PTPRD: variants seen among roughly 807,000 people sequenced by gnomAD.
PTPRD encodes protein tyrosine phosphatase receptor type D, also known as receptor-type tyrosine-protein phosphatase delta.
In PTPRD, 34 loss-of-function variants were observed where a neutral mutation model predicts 214.5. The ratio of observed to expected loss-of-function variants is 0.16; its 90% CI spans 0.12 to 0.21. The LOEUF is 0.21. Ranked by LOEUF, PTPRD falls within the 10% of genes least tolerant of loss-of-function variation. The probability of loss-of-function intolerance (pLI) is 1.00; values close to 1 mark genes in which losing one functional copy is unlikely to be tolerated. For missense variants in PTPRD, 2,545 were observed against 2,398.7 expected (o/e 1.06, Z -1.27); for synonymous variants, 1,128 against 845.7 (o/e 1.33, Z -5.79).
intron 14 of PTPRD, among the ~76,000 whole-genome samples, chr9:8,544,046 C>T (rs995960437): frequency 9.2e-5 from 14 of 151,800 alleles, no homozygotes; most frequent in African/African-American, 3.1e-4. Context: ...TCATGGATAT[C>T]ATAGCCCACC....
intron 8 of PTPRD, among the ~76,000 whole-genome samples, chr9:9,427,066 C>T (rs1257109602): frequency 1.3e-5 from 2 of 152,144 alleles, no homozygotes; most frequent in Non-Finnish European, 2.9e-5. Context: ...GAATGACTGA[C>T]AAGTTGAGAG....
intron 11 of PTPRD, among the ~76,000 whole-genome samples, chr9:8,857,352 G>T (rs1202001436): frequency 6.6e-6 from 1 of 152,128 alleles, no homozygotes. Context: ...AGAGAGCGGG[G>T]GTCGCACAAA....
intron 2 of PTPRD, among the ~76,000 whole-genome samples, chr9:10,404,232 CA>C (rs2098324186): frequency 6.6e-6 from 1 of 151,546 alleles, no homozygotes; most frequent in Admixed American, 6.6e-5. Flanking sequence ...GATTCTCAAC[CA>C]GGGGTGGTGG....
intron 3 of PTPRD, among the ~76,000 whole-genome samples, chr9:10,083,786 C>A (rs1302105424): frequency 6.6e-6 from 1 of 151,882 alleles, no homozygotes; most frequent in Non-Finnish European, 1.5e-5. Flanking sequence ...GACCTAGATC[C>A]CTCACATGTG....
At chr9:8,598,690 C>T (rs1367720083) in intron 14 of PTPRD, among the ~76,000 whole-genome samples, 3 of 152,106 alleles carry the variant, frequency 2.0e-5, no homozygotes, top group Non-Finnish European at 4.4e-5. Context: ...CTTCATAGCA[C>T]TAAAAAGTAT....
intron 3 of PTPRD, among the ~76,000 whole-genome samples, chr9:10,122,294 C>G (rs1462836023): frequency 1.3e-5 from 2 of 151,930 alleles, no homozygotes; most frequent in Non-Finnish European, 2.9e-5. Context: ...GGCAATGGAG[C>G]AAAACTCCAT....
chr9:10,151,739 C>G (rs916253447), intron 3 of PTPRD, among the ~76,000 whole-genome samples: 4 of 152,124 alleles, frequency 2.6e-5, no homozygotes, highest in African/African-American at 9.7e-5. Flanking sequence ...GTCTCTGCAG[C>G]TATTTGTTGT....
intron 6 of PTPRD, among the ~76,000 whole-genome samples, chr9:9,749,798 T>C (rs1259770540): frequency 6.6e-6 from 1 of 152,146 alleles, no homozygotes; most frequent in Non-Finnish European, 1.5e-5. Flanking sequence ...AACTCTCAGG[T>C]TAGTCACGCT....
chr9:8,872,003 A>G (rs1247059957), intron 11 of PTPRD, among the ~76,000 whole-genome samples: 1 of 152,130 alleles, frequency 6.6e-6, no homozygotes, highest in Admixed American at 6.5e-5. Context: ...CCGCAATGCA[A>G]TCAATCAACA....
chr9:9,438,865 T>C (rs145977601), intron 8 of PTPRD, among the ~76,000 whole-genome samples: 1 of 152,158 alleles, frequency 6.6e-6, no homozygotes, highest in African/African-American at 2.4e-5. Context: ...TTTGTATAAA[T>C]GTAAGTTTAT....
At chr9:8,531,682 T>C (rs746039472) in intron 14 of PTPRD, among the ~76,000 whole-genome samples, 2 of 152,098 alleles carry the variant, frequency 1.3e-5, no homozygotes, top group East Asian at 1.9e-4. Flanking sequence ...TAAGTACTAG[T>C]TACATTTGCC....
intron 26 of PTPRD, among the ~76,000 whole-genome samples, chr9:8,494,350 T>C (rs1240993683): frequency 1.3e-5 from 2 of 152,174 alleles, no homozygotes; most frequent in Non-Finnish European, 2.9e-5. Flanking sequence ...TCACTGGAAA[T>C]TTTATTCTGC....
chr9:9,522,206 A>G (rs947819657), intron 8 of PTPRD, among the ~76,000 whole-genome samples: 3 of 150,636 alleles, frequency 2.0e-5, no homozygotes. Flanking sequence ...AATTTTGCAT[A>G]TTCAGAATAA....
At chr9:9,396,057 T>A (rs1290448869) in intron 9 of PTPRD, among the ~76,000 whole-genome samples, 1 of 152,050 alleles carries the variant, frequency 6.6e-6, no homozygotes, top group African/African-American at 2.4e-5. Flanking sequence ...TACCCTGGAA[T>A]AATTAGGTAA....
At chr9:10,103,712 C>T (rs2098594717) in intron 3 of PTPRD, among the ~76,000 whole-genome samples, 1 of 151,518 alleles carries the variant, frequency 6.6e-6, no homozygotes, top group Admixed American at 6.6e-5. Context: ...CCAAATGGAG[C>T]TCTGGAGTCT....
intron 30 of PTPRD, among the ~76,000 whole-genome samples, chr9:8,478,956 T>G (rs2096824773): frequency 6.6e-6 from 1 of 152,212 alleles, no homozygotes; most frequent in Non-Finnish European, 1.5e-5. Context: ...AAAACTGCAT[T>G]TTGCTTGAAA....
At chr9:8,711,362 T>G (rs1439532442) in intron 12 of PTPRD, among the ~76,000 whole-genome samples, 2 of 152,146 alleles carry the variant, frequency 1.3e-5, no homozygotes, top group Non-Finnish European at 2.9e-5. Context: ...ATAAATATAT[T>G]TCTATCATGA....
At position 8,359,112 on chromosome 9, in the gene PTPRD, AAAAAAAAAAAC is replaced by A. The variant is rs1247707494; in HGVS notation, c.4661+16813_4661+16823del. On this transcript the variant is annotated intron_variant, in intron 39 of 45. Transcript: ENST00000381196. The stretch of plus-strand genomic sequence containing the variant: ...CACAGAGCGAGACTCCGTCTCAAAA[AAAAAAAAAAAC>A]AAAAAAAAAAAAAAACAAAAAAAAA... Among the ~76,000 whole-genome samples the A allele has an allele frequency of 3.6e-4, 8 of 22,314 alleles. 1 individual carries two copies. Among genetic ancestry groups the A allele is most frequent in the Non-Finnish European group, 2.3e-4 (2 of 8,842 alleles). The allele number at this position is 22,314 out of a possible 152,430, so 14.6% of individuals were successfully genotyped here. A position where few individuals can be genotyped will look rare whatever the true frequency, so the allele number is the denominator to read the frequency against.
intron 12 of PTPRD, among the ~76,000 whole-genome samples, chr9:8,650,650 A>T (rs1338554010): frequency 6.6e-6 from 1 of 152,190 alleles, no homozygotes; most frequent in East Asian, 1.9e-4. Context: ...ACAGTGACTT[A>T]AAAAATATAC....
Sources: gnomAD v4.1 joint callset for allele counts (sites outside exome capture counted in the v4.1 genomes callset) on GRCh38, gnomAD v4.1.1 for gene constraint, MANE v1.5 for transcripts, NCBI Gene and HGNC (gene_info 2026-07-23, HGNC 2026-07-21) for gene names.